CNTNAP2: variants seen among roughly 807,000 people sequenced by gnomAD.
The protein encoded by CNTNAP2 is contactin associated protein 2.
CNTNAP2 carries 98 observed loss-of-function variants against 155.2 expected under a neutral mutation model. The ratio of observed to expected loss-of-function variants is 0.63; its 90% CI spans 0.54 to 0.75. The LOEUF (loss-of-function observed/expected upper bound fraction) is 0.75, where lower values mean the gene tolerates loss of function less well. Ranked by LOEUF, CNTNAP2 falls within the 30% of genes least tolerant of loss-of-function variation. The pLI is 0.00. For synonymous variants in CNTNAP2, 651 were observed against 631.2 expected (o/e 1.03, Z -0.47); for missense variants, 1,727 against 1,688.1 (o/e 1.02, Z -0.40).
At chr7:147,516,795 C>T (rs1040747375) in intron 11 of CNTNAP2, among the ~76,000 whole-genome samples, 36 of 150,632 alleles carry the variant, frequency 2.4e-4, no homozygotes, top group African/African-American at 8.8e-4. Flanking sequence ...AGATACAACC[C>T]AGAAGCAACT....
intron 15 of CNTNAP2, among the ~76,000 whole-genome samples, chr7:147,995,620 TCTC>T (rs1801790309): frequency 6.6e-6 from 1 of 151,492 alleles, no homozygotes; most frequent in Non-Finnish European, 1.5e-5. Context: ...CTCCTGCCAT[TCTC>T]CTGCCTCAGC....
At chr7:147,003,393 ATAAT>A (rs1473076378) in intron 3 of CNTNAP2, among the ~76,000 whole-genome samples, 1 of 152,078 alleles carries the variant, frequency 6.6e-6, no homozygotes, top group Admixed American at 6.6e-5. Flanking sequence ...CGAGAAAAAA[ATAAT>A]TATTGTACAC....
chr7:147,139,759 G>T (rs965506217), intron 8 of CNTNAP2, among the ~76,000 whole-genome samples: 2 of 152,082 alleles, frequency 1.3e-5, no homozygotes, highest in South Asian at 2.1e-4. Context: ...TCAGCTGAAA[G>T]AATGACTCCT....
intron 1 of CNTNAP2, among the ~76,000 whole-genome samples, chr7:146,617,818 C>A (rs1166058299): frequency 6.6e-6 from 1 of 151,968 alleles, no homozygotes; most frequent in Middle Eastern, 3.2e-3. Flanking sequence ...TTCTCAGGTC[C>A]TGCATAATGT....
intron 3 of CNTNAP2, among the ~76,000 whole-genome samples, chr7:146,938,869 T>C (rs945803588): frequency 5.9e-5 from 9 of 152,102 alleles, no homozygotes; most frequent in African/African-American, 1.9e-4. Flanking sequence ...AAGCATTAGA[T>C]ATTGGTAGTC....
At chr7:147,497,145 A>T (rs1798724454) in intron 11 of CNTNAP2, 2 of 152,228 alleles carry the variant, frequency 1.3e-5, no homozygotes, top group Admixed American at 1.3e-4. Context: ...AGACTTAGCC[A>T]ATAAAAGTGA....
chr7:146,186,233 C>G (rs1415347602), intron 1 of CNTNAP2, among the ~76,000 whole-genome samples: 1 of 151,990 alleles, frequency 6.6e-6, no homozygotes, highest in African/African-American at 2.4e-5. Context: ...ACTGAATGCC[C>G]CCAATAAAGA....
intron 16 of CNTNAP2, among the ~76,000 whole-genome samples, chr7:148,141,066 C>T (rs1161026613): frequency 6.6e-6 from 1 of 152,186 alleles, no homozygotes; most frequent in Non-Finnish European, 1.5e-5. Flanking sequence ...AAAATGCAGA[C>T]TCCAAAGCCC....
In CNTNAP2 at chr7:148,076,422, C is replaced by CTTTTTTTTTTTTTTTTTT. The variant is rs771048326; in HGVS notation, c.2384-41682_2384-41665dup. On this transcript the variant is annotated intron_variant, in intron 15 of 23. Transcript: ENST00000361727. ...TGTAGACCTATGATAGCTCTGACTT[C>CTTTTTTTTTTTTTTTTTT]TTTTTTTTTTTTTTTTTTTTTTTTT... 1.6e-4 allele frequency among the ~76,000 whole-genome samples: 8 copies of CTTTTTTTTTTTTTTTTTT among 49,802 alleles called. 1 individual carries two copies. Among genetic ancestry groups the CTTTTTTTTTTTTTTTTTT allele is most frequent in the East Asian group, 1.6e-3 (2 of 1,250 alleles). The allele number at this position is 49,802 out of a possible 152,430, so 32.7% of individuals were successfully genotyped here. A position where few individuals can be genotyped will look rare whatever the true frequency, so the allele number is the denominator to read the frequency against.
At chr7:148,390,968 G>A (rs1425724273) in intron 22 of CNTNAP2, among the ~76,000 whole-genome samples, 3 of 152,252 alleles carry the variant, frequency 2.0e-5, no homozygotes, top group Non-Finnish European at 4.4e-5. Flanking sequence ...ATAGGGGGTC[G>A]CCATTATGGG....
At chr7:147,257,027 G>C (rs957222862) in intron 8 of CNTNAP2, among the ~76,000 whole-genome samples, 2 of 152,160 alleles carry the variant, frequency 1.3e-5, no homozygotes, top group Non-Finnish European at 2.9e-5. Flanking sequence ...GACTAAGTGA[G>C]AGAATTTTAT....
At chr7:148,150,724 CTTCTAT>C (rs1204948679) in intron 17 of CNTNAP2, among the ~76,000 whole-genome samples, 2 of 152,036 alleles carry the variant, frequency 1.3e-5, no homozygotes, top group African/African-American at 4.8e-5. Flanking sequence ...CTCTGAGTAT[CTTCTAT>C]TTCTATGTTT....
At chr7:148,090,285 C>G (rs1435108955) in intron 15 of CNTNAP2, among the ~76,000 whole-genome samples, 2 of 151,906 alleles carry the variant, frequency 1.3e-5, no homozygotes, top group African/African-American at 2.4e-5. Context: ...AGCTTCTGCA[C>G]AACAAAGGAA....
intron 3 of CNTNAP2, among the ~76,000 whole-genome samples, chr7:146,913,169 C>T (rs377457943): frequency 5.1e-4 from 77 of 152,190 alleles, no homozygotes; most frequent in Middle Eastern, 3.4e-3. Flanking sequence ...AAATGAGCAG[C>T]GGGTCTTTTC....
chr7:146,160,893 C>A lies in CNTNAP2; in HGVS notation c.97+43920C>A, dbSNP rs6943861. ...CTGATACCAAAGCCTGGCACAGACACAACAAAAAAAGAGAATTTTAGACCA... is the reference window on the plus strand; with the variant it reads ...CTGATACCAAAGCCTGGCACAGACAAAACAAAAAAAGAGAATTTTAGACCA... On this transcript the variant is annotated intron_variant, in intron 1 of 23. Transcript: ENST00000361727. 3.5e-3 allele frequency among the ~76,000 whole-genome samples: 527 copies of A among 152,058 alleles called. 2 individuals are homozygous for A. The highest frequency in any genetic ancestry group is 0.012 in the African/African-American group (505 of 41,496).
chr7:146,672,975 T>A (rs1800335029), intron 1 of CNTNAP2, among the ~76,000 whole-genome samples: 1 of 152,148 alleles, frequency 6.6e-6, no homozygotes, highest in Non-Finnish European at 1.5e-5. Context: ...CATTATAGAT[T>A]TGGTTACTAC....
chr7:147,121,799 T>C (rs1271716174), intron 6 of CNTNAP2: 1 of 152,246 alleles, frequency 6.6e-6, no homozygotes, highest in African/African-American at 2.4e-5. Context: ...AAAGTAGGTA[T>C]ATCATATTTT....
At chr7:148,079,375 T>C (rs1803554723) in intron 15 of CNTNAP2, among the ~76,000 whole-genome samples, 1 of 152,222 alleles carries the variant, frequency 6.6e-6, no homozygotes, top group Admixed American at 6.5e-5. Flanking sequence ...CTATTGTAAT[T>C]TCAATTGGTT....
intron 14 of CNTNAP2, among the ~76,000 whole-genome samples, chr7:147,935,781 A>G (rs1479851421): frequency 6.6e-6 from 1 of 152,138 alleles, no homozygotes; most frequent in African/African-American, 2.4e-5. Context: ...TAGCAAAAAA[A>G]TTAACTATAC....
Sources: gnomAD v4.1 joint callset for allele counts (sites outside exome capture counted in the v4.1 genomes callset) on GRCh38, gnomAD v4.1.1 for gene constraint, MANE v1.5 for transcripts, NCBI Gene and HGNC (gene_info 2026-07-23, HGNC 2026-07-21) for gene names.